The following FAM151A variants were observed in gnomAD, a reference collection of about 807,000 sequenced individuals.
FAM151A encodes the protein protein FAM151A.
In FAM151A, 41 loss-of-function variants were observed where a neutral mutation model predicts 40.4. The observed-to-expected ratio is 1.01, with a 90% CI of 0.79 to 1.32. The LOEUF is 1.32. Among genes scored for constraint, FAM151A ranks in the 40% most tolerant of loss-of-function variants. The pLI is 0.00. For synonymous variants in FAM151A, 337 were observed against 312.5 expected (o/e 1.08, Z -0.83); for missense variants, 740 against 740.4 (o/e 1.00, Z 0.01).
intron 4 of FAM151A, among the ~76,000 whole-genome samples, chr1:54,614,362 A>G (rs1312371319): frequency 6.6e-6 from 1 of 152,110 alleles, no homozygotes; most frequent in Non-Finnish European, 1.5e-5. Flanking sequence ...CAGGAGTTCA[A>G]TGTAGTAGGG....
At chr1:54,615,928 G>T in intron 3 of FAM151A, 92 bp downstream of exon 3, 1 of 1,344,966 alleles carries the variant, frequency 7.4e-7, no homozygotes, top group Non-Finnish European at 1.0e-6. Flanking sequence ...TCGTGTCAGG[G>T]CTGGACTTGC....
intron 6 of FAM151A, chr1:54,610,812 C>T (rs1264127975): frequency 1.3e-5 from 13 of 985,226 alleles, no homozygotes; most frequent in Middle Eastern, 5.2e-4. Flanking sequence ...GTATCCTTCC[C>T]GCTCGCTTAG....
At chr1:54,613,325 G>C (rs897897772) in intron 4 of FAM151A, among the ~76,000 whole-genome samples, 2 of 152,036 alleles carry the variant, frequency 1.3e-5, no homozygotes, top group African/African-American at 4.8e-5. Flanking sequence ...GTTGTGGTGA[G>C]CTGAGATCGT....
Position 54,609,233 on chromosome 1 carries a change from G to A in FAM151A, c.*35C>T, listed in dbSNP as rs762023513. 3.8e-6 allele frequency: 6 copies of A among 1,592,376 alleles called. No homozygotes were observed. Among genetic ancestry groups the A allele is most frequent in the Non-Finnish European group, 5.1e-6 (6 of 1,167,788 alleles). On this transcript the variant is annotated 3_prime_UTR_variant, in exon 8 of 8. Transcript: ENST00000302250. ...TCCTGCCTCCCCGTGGGAAGCCTCC[G>A]CCCTGAGGTCCGCTGGCCCACCACC... is the stretch of plus-strand genomic sequence containing the variant.
chr1:54,623,273 C>T lies in FAM151A; in HGVS notation c.118+5G>A, dbSNP rs1227033022. 1.9e-6 allele frequency: 3 copies of T among 1,610,712 alleles called. No homozygotes were observed. The highest frequency in any genetic ancestry group is 2.5e-6 in the Non-Finnish European group (3 of 1,177,266). On this transcript the variant is annotated splice_donor_5th_base_variant and intron_variant, in intron 1 of 7. Coordinates refer to ENST00000302250, the MANE Select transcript of FAM151A (RefSeq NM_176782.3). ...ACTCAGGATGACATGGGGGGAGGCA[C>T]CTACCTGGCCGCCGCAGGGTGATGG...
chr1:54,619,792 A>C, intron 2 of FAM151A, 72 bp downstream of exon 2: 8 of 1,476,520 alleles, frequency 5.4e-6, no homozygotes, highest in Non-Finnish European at 7.5e-6. Flanking sequence ...CCAGTGTCTG[A>C]TCCTCACTTC....
In FAM151A at chr1:54,610,494, C is replaced by T. The variant is rs1644106374; in HGVS notation, c.1002G>A (p.Leu334=). ...CCACATTCAGACCGTCATCCCCAGG[C>T]AGCTGGAGAAGAGGGATCAGGCTGC... The part of the protein sequence containing the change: ...TGGSLIPLLQ[L]PGDDGLNVEW... Residue 334 remains leucine (L), a synonymous_variant, in exon 7 of 8, where the codon CTG becomes CTA. Coordinates refer to ENST00000302250, the MANE Select transcript of FAM151A (RefSeq NM_176782.3). The T allele has an allele frequency of 1.2e-6, 2 of 1,603,440 alleles. No individual in the cohort carries two copies. The highest frequency in any genetic ancestry group is 2.2e-5 in the South Asian group (2 of 90,926).
At chr1:54,613,922 A>G (rs1413583975) in intron 4 of FAM151A, among the ~76,000 whole-genome samples, 1 of 152,228 alleles carries the variant, frequency 6.6e-6, no homozygotes, top group Non-Finnish European at 1.5e-5. Flanking sequence ...GCCACTTACC[A>G]GACTTAGGCA....
intron 7 of FAM151A, 200 bp from the exon 8 acceptor site, chr1:54,610,141 T>C: frequency 1.3e-5 from 18 of 1,433,342 alleles, no homozygotes; most frequent in South Asian, 1.5e-5. Context: ...TTGTTTCAGC[T>C]CTTGGCCTTT....
chr1:54,619,649 A>C (rs1159896316), intron 2 of FAM151A, among the ~76,000 whole-genome samples: 1 of 152,152 alleles, frequency 6.6e-6, no homozygotes, highest in Non-Finnish European at 1.5e-5. Context: ...ATTACTTTGG[A>C]GTCAGACATG....
intron 2 of FAM151A, among the ~76,000 whole-genome samples, chr1:54,619,441 C>T (rs950991515): frequency 1.3e-5 from 2 of 152,092 alleles, no homozygotes; most frequent in Non-Finnish European, 2.9e-5. Flanking sequence ...GAAATGTTAC[C>T]CATGAAACAG....
chr1:54,617,225 C>T (rs1211089099), intron 2 of FAM151A, among the ~76,000 whole-genome samples: 1 of 152,102 alleles, frequency 6.6e-6, no homozygotes, highest in Non-Finnish European at 1.5e-5. Context: ...GAAGCTGTCT[C>T]TAGATAATCA....
In FAM151A at chr1:54,610,422, C is replaced by A. The variant is rs141458641; in HGVS notation, c.1074G>T (p.Met358Ile). 1 of 1,613,326 alleles carries A rather than the reference C, an allele frequency of 6.2e-7. No homozygotes were observed. Among genetic ancestry groups the A allele is most frequent in the African/African-American group, 1.3e-5 (1 of 75,040 alleles). Residue 358 changes from methionine (M) to isoleucine (I), a missense_variant, in exon 7 of 8, where the codon ATG becomes ATT. Met to Ile is a conservative substitution (Grantham distance 10). Transcript: ENST00000302250. ...AAGGGTAGACCTTACCTGGGAGGGT[C>A]ATTGTTGCTGTTTTACCGCTGCCCT... ...DVQGSGKTAT[M>I]TLPDTEGMIL... is the part of the protein sequence containing the mutation.
At chr1:54,614,460 G>A (rs1644150212) in intron 4 of FAM151A, among the ~76,000 whole-genome samples, 1 of 152,164 alleles carries the variant, frequency 6.6e-6, no homozygotes. Flanking sequence ...CCCAGAGGAA[G>A]TCCTGCAGTG....
chr1:54,623,158 C>T, intron 1 of FAM151A, 120 bp downstream of exon 1: 1 of 678,484 alleles, frequency 1.5e-6, no homozygotes. Flanking sequence ...GCCTGGGCAA[C>T]AAGAGCAAAA....
At position 54,609,705 on chromosome 1, in the gene FAM151A, CAGGCCAATGCAAGAGGCCAAGGCTGGAG is replaced by C; in HGVS notation, c.1293_1320del (p.Ser432CysfsTer34). The C allele has an allele frequency of 3.7e-6, 6 of 1,614,126 alleles. No homozygotes were observed. The highest frequency in any genetic ancestry group is 5.1e-6 in the Non-Finnish European group (6 of 1,180,034). Reference sequence around the variant, plus strand: ...TGGGAGATTTTGGCCCCAACCCACACAGGCCAATGCAAGAGGCCAAGGCTGGAGAGGCGTGCCAGCAAGGCCAGGGATG... The same window carrying C: ...TGGGAGATTTTGGCCCCAACCCACACAGGCGTGCCAGCAAGGCCAGGGATG... On this transcript the variant is annotated frameshift_variant, in exon 8 of 8. Transcript: ENST00000302250. LOFTEE classifies it low-confidence loss of function (END_TRUNC).
chr1:54,618,464 C>A (rs1277734408), intron 2 of FAM151A, among the ~76,000 whole-genome samples: 1 of 152,076 alleles, frequency 6.6e-6, no homozygotes, highest in Non-Finnish European at 1.5e-5. Context: ...AAGATCACAC[C>A]AGTGCACTCC....
rs112454960 is a variant in FAM151A, at chr1:54,614,775, C to T, written c.500G>A (p.Arg167Gln). 2.1e-5 allele frequency: 34 copies of T among 1,613,970 alleles called. No homozygotes were observed. Among genetic ancestry groups the T allele is most frequent in the Admixed American group, 1.0e-4 (6 of 59,978 alleles). Reference protein sequence around the residue: ...LRQLTEEGKVRRPIWINADIL... With the variant: ...LRQLTEEGKVQRPIWINADIL... ...GTCAGCGTTGATCCATATGGGCCGC[C>T]GGACTTTGCCTTCCTCTGTCAGCTG... The change falls in exon 4 of 8, where the codon CGG (arginine) becomes CAG (glutamine). Residue 167 changes from arginine (R) to glutamine (Q), a missense_variant. Physicochemically the swap from Arg to Gln is conservative, Grantham distance 43 (BLOSUM62 1). Transcript: ENST00000302250.
Position 54,610,027 on chromosome 1 carries a change from T to C in FAM151A, c.1085-86A>G, listed in dbSNP as rs1569778369. 2.7e-6 allele frequency: 4 copies of C among 1,482,794 alleles called. No individual in the cohort carries two copies. The East Asian group carries it at 9.4e-5, about 35-fold the overall frequency. The allele number at this position is 1,482,794 out of a possible 1,614,324, so 91.9% of individuals were successfully genotyped here. Reference sequence around the variant, plus strand: ...TCCCTTGTTAAAGGGGCAGTGGGAGTTATGGGGTCATCAAGGACCTTGCCT... The same window carrying C: ...TCCCTTGTTAAAGGGGCAGTGGGAGCTATGGGGTCATCAAGGACCTTGCCT... On this transcript the variant is annotated intron_variant, in intron 7 of 7. Transcript: ENST00000302250.
Sources: allele counts gnomAD v4.1 joint callset (sites outside exome capture counted in the v4.1 genomes callset), GRCh38; gene constraint gnomAD v4.1.1; transcripts MANE v1.5; gene names NCBI Gene and HGNC (gene_info 2026-07-23, HGNC 2026-07-21).